SCLT1: variants seen among roughly 807,000 people sequenced by gnomAD.
SCLT1 encodes the protein sodium channel-associated protein 1.
A neutral mutation model predicts 112.8 loss-of-function variants in SCLT1; 78 were observed. The observed-to-expected ratio is 0.69, with a 90% confidence interval of 0.58 to 0.83. SCLT1 has a LOEUF of 0.83. Among genes scored for constraint, SCLT1 ranks in the 40% least tolerant of loss-of-function variants. The pLI is 0.00. For missense variants in SCLT1, 747 were observed against 770.4 expected (o/e 0.97, Z 0.36); for synonymous variants, 257 against 254.7 (o/e 1.01, Z -0.09).
intron 2 of SCLT1, among the ~76,000 whole-genome samples, chr4:129,079,517 T>A (rs1164104660): frequency 6.6e-6 from 1 of 152,138 alleles, no homozygotes; most frequent in East Asian, 1.9e-4. Flanking sequence ...ATGTCTCACA[T>A]CTAGGCAACA....
chr4:128,888,224 T>C (rs1045132941), intron 20 of SCLT1, among the ~76,000 whole-genome samples: 1 of 150,188 alleles, frequency 6.7e-6, no homozygotes, highest in Admixed American at 6.6e-5. Context: ...TTTTTTTTTT[T>C]TGTTGATACA....
chr4:129,026,916 C>T lies in SCLT1; in HGVS notation c.290+12125G>A, dbSNP rs1303400237. ...TACAAACTACCATCAGAGAATACTACAAACACCTCTATGCAAATAAACTAG... is the reference window on the plus strand; with the variant it reads ...TACAAACTACCATCAGAGAATACTATAAACACCTCTATGCAAATAAACTAG... On this transcript the variant is annotated intron_variant, in intron 5 of 20. Coordinates refer to ENST00000281142, the MANE Select transcript of SCLT1 (RefSeq NM_144643.4). 3.3e-5 allele frequency among the ~76,000 whole-genome samples: 5 copies of T among 152,198 alleles called. No homozygotes were observed. In the East Asian group the frequency reaches 5.8e-4, roughly 18 times the overall value.
chr4:128,917,150 C>T (rs1294804456), intron 18 of SCLT1, among the ~76,000 whole-genome samples: 3 of 152,050 alleles, frequency 2.0e-5, no homozygotes, highest in African/African-American at 7.2e-5. Context: ...CTCACAGTTG[C>T]CCCCTTCACC....
At chr4:128,900,931 C>A (rs1303314004) in intron 18 of SCLT1, among the ~76,000 whole-genome samples, 2 of 152,058 alleles carry the variant, frequency 1.3e-5, no homozygotes, top group African/African-American at 4.8e-5. Context: ...AAATGCTCAT[C>A]ATCACTGGCC....
At chr4:129,034,323 T>A (rs1213605661) in intron 5 of SCLT1, among the ~76,000 whole-genome samples, 1 of 152,056 alleles carries the variant, frequency 6.6e-6, no homozygotes, top group East Asian at 1.9e-4. Flanking sequence ...TACCATTGAT[T>A]ATCATTAGTC....
intron 20 of SCLT1, among the ~76,000 whole-genome samples, chr4:128,886,152 C>A (rs150924027): frequency 1.3e-5 from 2 of 152,070 alleles, no homozygotes; most frequent in African/African-American, 4.8e-5. Context: ...AAAGGCTTCA[C>A]CACGCTGATT....
intron 9 of SCLT1, among the ~76,000 whole-genome samples, chr4:128,981,038 C>T (rs971503211): frequency 5.3e-5 from 8 of 152,134 alleles, no homozygotes; most frequent in Non-Finnish European, 8.8e-5. Flanking sequence ...TTTTGAGCAC[C>T]TGCCATATGT....
rs142379591 is a variant in SCLT1 at position 129,059,646 on chromosome 4, T to C, written c.103-15595A>G. ...CTGGGTATAGTATTCTTGGCTGATA[T>C]TGTTTTTCTTCTTTTGGTACTTTGA... On this transcript the variant is annotated intron_variant, in intron 2 of 20. Transcript: ENST00000281142. Among the ~76,000 whole-genome samples the C allele has an allele frequency of 5.4e-3, 830 of 152,316 alleles. 8 individuals are homozygous for C. The highest frequency in any genetic ancestry group is 0.019 in the African/African-American group (781 of 41,560).
At chr4:129,046,921 C>A (rs1386959177) in intron 2 of SCLT1, among the ~76,000 whole-genome samples, 1 of 152,048 alleles carries the variant, frequency 6.6e-6, no homozygotes, top group African/African-American at 2.4e-5. Context: ...GTTGAACAGT[C>A]TTTTCTACAG....
At chr4:129,040,207 T>C (rs1747580479) in intron 4 of SCLT1, 3 of 702,560 alleles carry the variant, frequency 4.3e-6, no homozygotes, top group African/African-American at 3.5e-5. Context: ...AAGGTCCTCG[T>C]TATGCCTGAA....
At chr4:128,919,815 C>A (rs1413008353) in intron 18 of SCLT1, among the ~76,000 whole-genome samples, 1 of 151,258 alleles carries the variant, frequency 6.6e-6, no homozygotes, top group African/African-American at 2.4e-5. Context: ...TGGATAAATT[C>A]TTAGAAACAT....
intron 6 of SCLT1, among the ~76,000 whole-genome samples, chr4:129,001,962 ATTTC>A (rs1191348359): frequency 6.6e-6 from 1 of 151,948 alleles, no homozygotes; most frequent in Middle Eastern, 3.2e-3. Context: ...TTTCCTCATT[ATTTC>A]TTTCTTTCAT....
At chr4:129,051,441 C>T (rs1396810274) in intron 2 of SCLT1, among the ~76,000 whole-genome samples, 1 of 152,152 alleles carries the variant, frequency 6.6e-6, no homozygotes, top group South Asian at 2.1e-4. Flanking sequence ...AGGTTCTTTA[C>T]ATCCCTTGTA....
chr4:128,902,103 T>C (rs1238401987), intron 18 of SCLT1, among the ~76,000 whole-genome samples: 2 of 151,980 alleles, frequency 1.3e-5, no homozygotes, highest in African/African-American at 4.8e-5. Flanking sequence ...TGATGTCTCA[T>C]TATGTTGTCC....
At chr4:128,987,973 C>T (rs1355891326) in intron 9 of SCLT1, among the ~76,000 whole-genome samples, 1 of 151,688 alleles carries the variant, frequency 6.6e-6, no homozygotes, top group Non-Finnish European at 1.5e-5. Context: ...GCAAAATTGT[C>T]TTTCAAACAT....
At chr4:128,930,738 T>A (rs969261379) in intron 18 of SCLT1, among the ~76,000 whole-genome samples, 3 of 152,282 alleles carry the variant, frequency 2.0e-5, no homozygotes, top group Admixed American at 2.0e-4. Flanking sequence ...GAAAATGTAA[T>A]ATAAATTGAG....
At chr4:129,018,239 C>A in intron 5 of SCLT1, among the ~76,000 whole-genome samples, 1 of 152,206 alleles carries the variant, frequency 6.6e-6, no homozygotes, top group East Asian at 1.9e-4. Flanking sequence ...AAACCCATAT[C>A]CTGAACTAGT....
intron 18 of SCLT1, among the ~76,000 whole-genome samples, chr4:128,931,798 T>C (rs2125976379): frequency 6.6e-6 from 1 of 152,316 alleles, no homozygotes; most frequent in Admixed American, 6.5e-5. Context: ...AAGATTCCAT[T>C]TACGATTAAT....
Position 128,928,879 on chromosome 4 carries a change from G to A in SCLT1, c.1829+7776C>T, listed in dbSNP as rs112006283. On this transcript the variant is annotated intron_variant, in intron 18 of 20. Coordinates refer to ENST00000281142, the MANE Select transcript of SCLT1 (RefSeq NM_144643.4). The stretch of plus-strand genomic sequence containing the variant: ...ATTTGTGATAAAAGCTCTTAGTAAA[G>A]TAATAGCAAAAGGAAACTTCCTGAA... Among the ~76,000 whole-genome samples the A allele has an allele frequency of 6.6e-3, 998 of 151,994 alleles. 1 individual carries two copies. The highest frequency in any genetic ancestry group is 0.01 in the Middle Eastern group (3 of 294).
Sources: allele counts gnomAD v4.1 joint callset (sites outside exome capture counted in the v4.1 genomes callset), GRCh38; gene constraint gnomAD v4.1.1; transcripts MANE v1.5; gene names NCBI Gene and HGNC (gene_info 2026-07-23, HGNC 2026-07-21).